Variants in STIMATE observed in about 807,000 individuals in gnomAD.
The protein encoded by STIMATE is store-operated calcium entry regulator STIMATE.
Under a neutral mutation model 36.7 loss-of-function variants are expected in STIMATE, and 15 were observed. That is an observed-to-expected ratio of 0.41 (90% confidence interval 0.27 to 0.63). The LOEUF is 0.63. STIMATE is among the 20% of genes least tolerant of loss of function. STIMATE has a pLI of 0.32. For synonymous variants in STIMATE, 163 were observed against 162.3 expected, an observed-to-expected ratio of 1.00 and a Z score of -0.03; for missense variants, 305 against 397.3, an observed-to-expected ratio of 0.77 and a Z score of 1.98.
At chr3:52,861,937 C>T (rs892532346) in intron 1 of STIMATE, among the ~76,000 whole-genome samples, 1 of 152,188 alleles carries the variant, frequency 6.6e-6, no homozygotes, top group Non-Finnish European at 1.5e-5. Context: ...CCTCCCTACA[C>T]AGCCTCCCCT....
At chr3:52,890,892 T>G (rs1199336567) in intron 1 of STIMATE, among the ~76,000 whole-genome samples, 1 of 152,098 alleles carries the variant, frequency 6.6e-6, no homozygotes, top group Admixed American at 6.6e-5. Context: ...CGGGGGTGCC[T>G]TCGCCTCAGA....
chr3:52,842,324 CA>C (rs1261627624), intron 7 of STIMATE, among the ~76,000 whole-genome samples: 13 of 152,218 alleles, frequency 8.5e-5, no homozygotes, highest in Admixed American at 4.6e-4. Context: ...CCCTTGAACT[CA>C]GAAGACCAGA....
intron 1 of STIMATE, 55 bp downstream of exon 1, chr3:52,897,236 C>T (rs914565766): frequency 6.6e-7 from 1 of 1,515,888 alleles, no homozygotes; most frequent in Non-Finnish European, 8.8e-7. Context: ...CCCAGGGGGG[C>T]CGGGCCGCGG....
At chr3:52,862,321 A>G (rs1701231170) in intron 1 of STIMATE, among the ~76,000 whole-genome samples, 1 of 152,082 alleles carries the variant, frequency 6.6e-6, no homozygotes, top group South Asian at 2.1e-4. Flanking sequence ...CTGCCTCCTA[A>G]CAGGCTTCCC....
At chr3:52,865,922 G>A (rs1367564664) in intron 1 of STIMATE, among the ~76,000 whole-genome samples, 2 of 150,034 alleles carry the variant, frequency 1.3e-5, no homozygotes, top group Admixed American at 6.6e-5. Context: ...GACACAAACC[G>A]TCACATGCTT....
chr3:52,863,463 G>A (rs1484177918), intron 1 of STIMATE, among the ~76,000 whole-genome samples: 13 of 152,136 alleles, frequency 8.5e-5, no homozygotes, highest in African/African-American at 9.7e-5. Flanking sequence ...GGTCCCTCCC[G>A]CAACATGTGG....
intron 1 of STIMATE, among the ~76,000 whole-genome samples, chr3:52,880,340 C>T (rs957101047): frequency 6.6e-6 from 1 of 152,238 alleles, no homozygotes; most frequent in African/African-American, 2.4e-5. Flanking sequence ...GGGGCAAGCA[C>T]AGAACCAGAG....
chr3:52,876,348 G>T (rs1469236070), intron 1 of STIMATE, among the ~76,000 whole-genome samples: 2 of 152,318 alleles, frequency 1.3e-5, no homozygotes, highest in African/African-American at 4.8e-5. Flanking sequence ...CTGGTCCCTT[G>T]ATACAAAACG....
At position 52,846,868 on chromosome 3, in the gene STIMATE, C is replaced by T. The variant is rs538939013; in HGVS notation, c.428-1927G>A. 1.1e-4 allele frequency among the ~76,000 whole-genome samples: 16 copies of T among 152,290 alleles called. No individual in the cohort carries two copies. The South Asian group carries it at 3.3e-3, about 32-fold the overall frequency. On this transcript the variant is annotated intron_variant, in intron 4 of 7. Coordinates refer to ENST00000355083, the MANE Select transcript of STIMATE (RefSeq NM_198563.5). ...CACAGTCTCCTCTTTAAAGGACAGA[C>T]ATGCCAGGCAGTGTTGCATGTCCTG...
intron 4 of STIMATE, chr3:52,847,312 C>T (rs1352210645): frequency 8.4e-7 from 1 of 1,188,698 alleles, no homozygotes; most frequent in African/African-American, 1.6e-5. Flanking sequence ...CAATAGGGGC[C>T]AAAAGGAGGG....
chr3:52,868,265 C>A (rs549250713), intron 1 of STIMATE, among the ~76,000 whole-genome samples: 15 of 152,296 alleles, frequency 9.8e-5, no homozygotes, highest in African/African-American at 3.6e-4. Flanking sequence ...AAGAGAAGCC[C>A]CTTGGTCAGG....
intron 1 of STIMATE, among the ~76,000 whole-genome samples, chr3:52,873,812 G>A (rs1481660308): frequency 1.3e-5 from 2 of 152,160 alleles, no homozygotes; most frequent in South Asian, 2.1e-4. Context: ...CCTACCCTGT[G>A]AGCCAGTATC....
At chr3:52,869,681 C>T (rs1373937434) in intron 1 of STIMATE, among the ~76,000 whole-genome samples, 1 of 152,130 alleles carries the variant, frequency 6.6e-6, no homozygotes, top group Non-Finnish European at 1.5e-5. Context: ...ATATTTATAC[C>T]CTTGGCACCC....
rs1042765024 is a variant in STIMATE, at chr3:52,839,444, G to A, written c.*1050C>T. 2 of 152,244 alleles carry A rather than the reference G, an allele frequency of 1.3e-5. No individual in the cohort carries two copies. The highest frequency in any genetic ancestry group is 4.8e-5 in the African/African-American group (2 of 41,444). The allele number at this position is 152,244 out of a possible 1,614,324, so 9.4% of individuals were successfully genotyped here. A position where few individuals can be genotyped will look rare whatever the true frequency, so the allele number is the denominator to read the frequency against. On this transcript the variant is annotated 3_prime_UTR_variant, in exon 8 of 8. Coordinates refer to ENST00000355083, the MANE Select transcript of STIMATE (RefSeq NM_198563.5). ...CTCTGCAGACAGGCAGACTGCACAG[G>A]AGTCTGGTAGTCTTGGGTCCTCTGG... is the stretch of plus-strand genomic sequence containing the variant.
chr3:52,893,548 C>A (rs1701816162), intron 1 of STIMATE, among the ~76,000 whole-genome samples: 1 of 152,024 alleles, frequency 6.6e-6, no homozygotes, highest in African/African-American at 2.4e-5. Context: ...GAAGGTTGTG[C>A]CAACACAAGC....
At chr3:52,844,594 G>A (rs1241859821) in intron 5 of STIMATE, among the ~76,000 whole-genome samples, 2 of 152,252 alleles carry the variant, frequency 1.3e-5, no homozygotes, top group African/African-American at 4.8e-5. Flanking sequence ...GGCAGGGACT[G>A]TATTTCATTA....
At chr3:52,878,711 C>G (rs1295742088) in intron 1 of STIMATE, among the ~76,000 whole-genome samples, 1 of 152,208 alleles carries the variant, frequency 6.6e-6, no homozygotes, top group Non-Finnish European at 1.5e-5. Context: ...TTTCCAAGGG[C>G]ACACACCTAC....
Position 52,882,503 on chromosome 3 carries a change from AG to A in STIMATE, c.160+14787del, listed in dbSNP as rs375706593. Among the ~76,000 whole-genome samples the A allele has an allele frequency of 1.2e-4, 18 of 152,266 alleles. No homozygotes were observed. In the East Asian group the frequency reaches 3.5e-3, roughly 29 times the overall value. ...GGATGTGGCATGGATGCATCTTTCA[AG>A]GGGGAACTTGAAGCTGCTGCTTTGC... On this transcript the variant is annotated intron_variant, in intron 1 of 7. Coordinates refer to ENST00000355083, the MANE Select transcript of STIMATE (RefSeq NM_198563.5).
intron 1 of STIMATE, among the ~76,000 whole-genome samples, chr3:52,892,509 G>C (rs968020343): frequency 5.3e-5 from 8 of 152,202 alleles, no homozygotes; most frequent in African/African-American, 1.9e-4. Context: ...ACTCCAGAAG[G>C]AGGAAAGGAC....
Sources: allele counts gnomAD v4.1 joint callset (sites outside exome capture counted in the v4.1 genomes callset), GRCh38; gene constraint gnomAD v4.1.1; transcripts MANE v1.5; gene names NCBI Gene and HGNC (gene_info 2026-07-23, HGNC 2026-07-21).